The following DNM3 variants were observed in gnomAD, a reference collection of about 807,000 sequenced individuals.
The protein encoded by DNM3 is dynamin 3.
A neutral mutation model predicts 101.6 loss-of-function variants in DNM3; 47 were observed. The ratio of observed to expected loss-of-function variants is 0.46; its 90% CI spans 0.37 to 0.59. The LOEUF is 0.59. Ranked by LOEUF, DNM3 falls within the 20% of genes least tolerant of loss-of-function variation. The probability of loss-of-function intolerance (pLI) is 0.00; values close to 1 mark genes in which losing one functional copy is unlikely to be tolerated. For synonymous variants in DNM3, 385 were observed against 387.9 expected (o/e 0.99, Z 0.09); for missense variants, 849 against 1,085.7 (o/e 0.78, Z 3.06).
At chr1:171,967,763 C>T (rs2043692210) in intron 2 of DNM3, among the ~76,000 whole-genome samples, 1 of 152,120 alleles carries the variant, frequency 6.6e-6, no homozygotes, top group African/African-American at 2.4e-5. Context: ...AACCTTTGTT[C>T]TGTGCAGTTC....
intron 13 of DNM3, among the ~76,000 whole-genome samples, chr1:172,128,035 C>G (rs1394555199): frequency 6.6e-6 from 1 of 152,170 alleles, no homozygotes; most frequent in African/African-American, 2.4e-5. Flanking sequence ...ACACTTCCAA[C>G]CTCATACTCC....
chr1:172,031,600 A>G (rs2048614753), intron 4 of DNM3, among the ~76,000 whole-genome samples: 5 of 152,200 alleles, frequency 3.3e-5, no homozygotes, highest in Admixed American at 3.3e-4. Flanking sequence ...TACTAGGCAA[A>G]TACTGTCCAT....
chr1:172,129,519 G>A (rs543350291), intron 13 of DNM3, among the ~76,000 whole-genome samples: 1 of 152,214 alleles, frequency 6.6e-6, no homozygotes, highest in East Asian at 1.9e-4. Flanking sequence ...AGGTTTAATG[G>A]ACTTACAGTT....
intron 14 of DNM3, among the ~76,000 whole-genome samples, chr1:172,153,227 G>A (rs2148241906): frequency 6.6e-6 from 1 of 152,180 alleles, no homozygotes; most frequent in Non-Finnish European, 1.5e-5. Context: ...TCGATGATAT[G>A]GATAAAATAA....
At chr1:172,122,576 T>C (rs1310661466) in intron 13 of DNM3, among the ~76,000 whole-genome samples, 2 of 152,164 alleles carry the variant, frequency 1.3e-5, no homozygotes, top group Admixed American at 1.3e-4. Context: ...CATTTTTGTT[T>C]AGCTTAATTT....
intron 14 of DNM3, among the ~76,000 whole-genome samples, chr1:172,208,900 C>T (rs1456503739): frequency 6.6e-6 from 1 of 151,848 alleles, no homozygotes; most frequent in South Asian, 2.1e-4. Context: ...ACTAGGGACC[C>T]ATGGGGAAAA....
intron 14 of DNM3, among the ~76,000 whole-genome samples, chr1:172,243,588 T>C (rs953041536): frequency 1.3e-5 from 2 of 152,166 alleles, no homozygotes; most frequent in Non-Finnish European, 2.9e-5. Context: ...CCTTTCAGGA[T>C]CTGAGTAGGT....
intron 4 of DNM3, among the ~76,000 whole-genome samples, chr1:171,998,618 G>C (rs995488006): frequency 6.6e-6 from 1 of 152,084 alleles, no homozygotes; most frequent in Non-Finnish European, 1.5e-5. Context: ...TCTAGAGCTT[G>C]TATTCTAATG....
At chr1:172,099,896 C>G (rs558211611) in intron 13 of DNM3, among the ~76,000 whole-genome samples, 29 of 152,242 alleles carry the variant, frequency 1.9e-4, no homozygotes, top group African/African-American at 6.0e-4. Flanking sequence ...GATGAAATGT[C>G]CTTGGTTGGA....
intron 2 of DNM3, among the ~76,000 whole-genome samples, chr1:171,936,925 C>G (rs1479546178): frequency 4.0e-5 from 1 of 25,230 alleles, no homozygotes; most frequent in East Asian, 7.4e-4. Context: ...TTAGAGCAGC[C>G]TTAGAGCACT....
In DNM3 at chr1:171,964,175, A is replaced by G. The variant is rs12728630; in HGVS notation, c.236-23481A>G. On this transcript the variant is annotated intron_variant, in intron 2 of 20. Coordinates refer to ENST00000627582, the MANE Select transcript of DNM3 (RefSeq NM_015569.5). Reference sequence around the variant, plus strand: ...AAGCTGTCTCCTGTGGGGAAAATCTACATTCTGTAAAGAATGCTGTTCCCT... The same window carrying G: ...AAGCTGTCTCCTGTGGGGAAAATCTGCATTCTGTAAAGAATGCTGTTCCCT... Among the ~76,000 whole-genome samples, 119 of 152,282 alleles carry G rather than the reference A, an allele frequency of 7.8e-4. 1 individual carries two copies. The highest frequency in any genetic ancestry group is 3.5e-3 in the Admixed American group (54 of 15,278).
chr1:172,360,634 T>G (rs1221292404), intron 17 of DNM3, among the ~76,000 whole-genome samples: 1 of 152,058 alleles, frequency 6.6e-6, no homozygotes, highest in African/African-American at 2.4e-5. Context: ...GGAGCTATTG[T>G]TGTGTAACAC....
chr1:172,234,246 AACAG>A (rs1418302501), intron 14 of DNM3, among the ~76,000 whole-genome samples: 4 of 152,156 alleles, frequency 2.6e-5, no homozygotes, highest in Non-Finnish European at 5.9e-5. Flanking sequence ...ACACACCAAT[AACAG>A]ACAGAGAGCC....
In DNM3 at chr1:171,930,964, G is replaced by A. The variant is rs76273291; in HGVS notation, c.235+9143G>A. On this transcript the variant is annotated intron_variant, in intron 2 of 20. Transcript: ENST00000627582. Reference sequence around the variant, plus strand: ...ATCAAAAAGAGTATATCGCTTAGGGGGAGGTGTGGTGGCTCACACCTGTTG... The same window carrying A: ...ATCAAAAAGAGTATATCGCTTAGGGAGAGGTGTGGTGGCTCACACCTGTTG... Among the ~76,000 whole-genome samples the A allele has an allele frequency of 3.5e-3, 531 of 152,244 alleles. 1 individual carries two copies. Among genetic ancestry groups the A allele is most frequent in the African/African-American group, 0.012 (510 of 41,524 alleles).
chr1:172,183,420 C>A (rs749138492), intron 14 of DNM3, among the ~76,000 whole-genome samples: 1 of 151,946 alleles, frequency 6.6e-6, no homozygotes, highest in Non-Finnish European at 1.5e-5. Context: ...CAAATAAATA[C>A]TAAGAATTAT....
At chr1:172,207,609 A>G (rs1315485698) in intron 14 of DNM3, among the ~76,000 whole-genome samples, 2 of 152,024 alleles carry the variant, frequency 1.3e-5, no homozygotes, top group Non-Finnish European at 2.9e-5. Flanking sequence ...TCAGATTTAT[A>G]CTGCTTTTAT....
chr1:172,134,163 C>A (rs891733826), intron 14 of DNM3, among the ~76,000 whole-genome samples: 9 of 152,030 alleles, frequency 5.9e-5, no homozygotes, highest in Non-Finnish European at 1.3e-4. Context: ...GGTGAGGGTG[C>A]GGAGCACTTA....
At chr1:172,183,391 G>A (rs1333104333) in intron 14 of DNM3, among the ~76,000 whole-genome samples, 1 of 152,182 alleles carries the variant, frequency 6.6e-6, no homozygotes, top group South Asian at 2.1e-4. Flanking sequence ...AAATTTTGAT[G>A]TCATAAGTGA....
intron 14 of DNM3, among the ~76,000 whole-genome samples, chr1:172,245,874 G>T (rs1453450350): frequency 1.3e-5 from 2 of 152,126 alleles, no homozygotes; most frequent in East Asian, 3.9e-4. Flanking sequence ...TTCTCACACT[G>T]CTATAAAGAA....
Sources: allele counts gnomAD v4.1 joint callset (sites outside exome capture counted in the v4.1 genomes callset), GRCh38; gene constraint gnomAD v4.1.1; transcripts MANE v1.5; gene names NCBI Gene and HGNC (gene_info 2026-07-23, HGNC 2026-07-21).